Variants in MICAL2 observed in about 807,000 individuals in gnomAD.
The protein encoded by MICAL2 is microtubule associated monooxygenase, calponin and LIM domain containing 2, also known as [F-actin]-monooxygenase MICAL2.
In MICAL2, 77 loss-of-function variants were observed where a neutral mutation model predicts 127.3. That is an observed-to-expected ratio of 0.60 (90% CI 0.50 to 0.73). The LOEUF is 0.73. Ranked by LOEUF, MICAL2 falls within the 30% of genes least tolerant of loss-of-function variation. MICAL2 has a pLI of 0.00. For synonymous variants in MICAL2, 570 were observed against 551.1 expected, an observed-to-expected ratio of 1.03 and a Z score of -0.48; for missense variants, 1,351 against 1,434.4, an observed-to-expected ratio of 0.94 and a Z score of 0.94.
At chr11:12,180,531 C>G (rs1407752149) in intron 3 of MICAL2, among the ~76,000 whole-genome samples, 2 of 152,050 alleles carry the variant, frequency 1.3e-5, no homozygotes, top group African/African-American at 4.8e-5. Context: ...AATGACTTAT[C>G]CCTTGTTAGG....
downstream of MICAL2, among the ~76,000 whole-genome samples, chr11:12,361,876 C>T (rs1939210627): frequency 6.6e-6 from 1 of 152,126 alleles, no homozygotes; most frequent in South Asian, 2.1e-4. Context: ...CAGCCGGGGC[C>T]GCCACATGAA....
intron 4 of MICAL2, among the ~76,000 whole-genome samples, chr11:12,205,973 T>C (rs899414109): frequency 2.6e-5 from 4 of 152,096 alleles, no homozygotes; most frequent in African/African-American, 9.7e-5. Flanking sequence ...CTGGAGAGAA[T>C]TATCAGTCAC....
At chr11:12,150,270 G>T (rs113342330) in intron 2 of MICAL2, among the ~76,000 whole-genome samples, 6 of 152,146 alleles carry the variant, frequency 3.9e-5, no homozygotes, top group Non-Finnish European at 8.8e-5. Flanking sequence ...ATAAACTTTT[G>T]TTGAGCACTG....
intron 32 of MICAL2, among the ~76,000 whole-genome samples, chr11:12,342,237 C>T (rs748694093): frequency 6.6e-6 from 1 of 152,216 alleles, no homozygotes; most frequent in Admixed American, 6.5e-5. Context: ...CCTAGCTAGT[C>T]ATAAGAGTCC....
chr11:12,138,200 C>T (rs1459196219), intron 1 of MICAL2, among the ~76,000 whole-genome samples, 190 bp from the exon 2 acceptor site: 1 of 149,996 alleles, frequency 6.7e-6, no homozygotes, highest in Non-Finnish European at 1.5e-5. Context: ...AGCCATCTTG[C>T]TATTCCTTTC....
rs1417867159 is a variant in MICAL2, at chr11:12,262,523, C to A, written c.*3C>A. On this transcript the variant is annotated 3_prime_UTR_variant, in exon 27 of 28. Transcript: ENST00000683283. ...TGCTACACCCACTTCTTGGCTGACA[C>A]ACTTCTGCTCTAAGGTGACTGGTTT... The A allele has an allele frequency of 1.2e-6, 2 of 1,612,938 alleles. No homozygotes were observed. The highest frequency in any genetic ancestry group is 1.7e-6 in the Non-Finnish European group (2 of 1,178,994).
chr11:12,315,098 G>A (rs1285832707), intron 29 of MICAL2, among the ~76,000 whole-genome samples: 1 of 152,064 alleles, frequency 6.6e-6, no homozygotes, highest in Non-Finnish European at 1.5e-5. Context: ...GTTTTTAAAG[G>A]ATATTTCTTT....
intron 2 of MICAL2, among the ~76,000 whole-genome samples, chr11:12,285,590 T>C (rs1863817754): frequency 1.3e-5 from 2 of 152,232 alleles, no homozygotes; most frequent in Admixed American, 1.3e-4. Context: ...TCTCTGTCAC[T>C]GTCATAATTT....
At chr11:12,276,063 C>T (rs998046794), upstream of MICAL2, 16 of 399,072 alleles carry the variant, frequency 4.0e-5, no homozygotes, top group Non-Finnish European at 6.2e-5. Flanking sequence ...CGCTGCCTCT[C>T]CCCTGCCCTC....
intron 8 of MICAL2, among the ~76,000 whole-genome samples, chr11:12,219,055 G>C (rs1856510421): frequency 1.3e-5 from 2 of 152,204 alleles, no homozygotes; most frequent in South Asian, 2.1e-4. Flanking sequence ...ACAGATGAGA[G>C]AGTGGAGACT....
chr11:12,121,432 C>G (rs984097200), intron 1 of MICAL2: 3 of 152,740 alleles, frequency 2.0e-5, no homozygotes, highest in African/African-American at 7.2e-5. Context: ...AGAATTGGCT[C>G]TGTAGGAGTC....
chr11:12,281,029 C>T, exon 2 of MICAL2: 2 of 399,172 alleles, frequency 5.0e-6, no homozygotes. Flanking sequence ...ATCTACCGCA[C>T]ACGTCCCTAG....
chr11:12,243,940 G>A, intron 20 of MICAL2, 47 bp from the exon 21 acceptor site: 1 of 1,607,624 alleles, frequency 6.2e-7, no homozygotes, highest in Non-Finnish European at 8.5e-7. Flanking sequence ...ATCACCATGT[G>A]TGACTCCTGG....
intron 2 of MICAL2, among the ~76,000 whole-genome samples, chr11:12,151,313 G>A (rs1853555608): frequency 6.6e-6 from 1 of 152,156 alleles, no homozygotes; most frequent in Non-Finnish European, 1.5e-5. Context: ...CTAATAGAAG[G>A]TAAAATGTAA....
rs552353584 is a variant in MICAL2, at chr11:12,227,311, T to C, written c.1995+180T>C. On this transcript the variant is annotated intron_variant, in intron 15 of 27. Transcript: ENST00000683283. ...TGTTTTTGGAAGTTCTTCCTGGCAC[T>C]GTGTAGCTAGTTTCAATGACTTCAA... 460 of 563,730 alleles carry C rather than the reference T, an allele frequency of 8.2e-4. 7 individuals carry two copies. In the South Asian group the frequency reaches 9.2e-3, roughly 11 times the overall value. 34.9% of individuals were successfully genotyped at this position (563,730 alleles called of 1,614,324 possible).
intron 32 of MICAL2, among the ~76,000 whole-genome samples, chr11:12,336,065 T>G (rs546927762): frequency 6.6e-6 from 1 of 152,250 alleles, no homozygotes; most frequent in South Asian, 2.1e-4. Context: ...TCTCATGATA[T>G]TGATTCTTCC....
intron 34 of MICAL2, among the ~76,000 whole-genome samples, chr11:12,357,454 T>C (rs1392294467): frequency 2.6e-5 from 4 of 152,312 alleles, no homozygotes; most frequent in Middle Eastern, 3.4e-3. Context: ...GCAAAGTCAG[T>C]GTGGAAACAC....
At chr11:12,147,327 A>G (rs1012912089) in intron 2 of MICAL2, among the ~76,000 whole-genome samples, 1 of 152,228 alleles carries the variant, frequency 6.6e-6, no homozygotes, top group African/African-American at 2.4e-5. Flanking sequence ...GTAAGCATTC[A>G]TTCATTCAAC....
At chr11:12,231,735 G>C (rs1360053488) in intron 15 of MICAL2, among the ~76,000 whole-genome samples, 2 of 152,160 alleles carry the variant, frequency 1.3e-5, no homozygotes, top group African/African-American at 4.8e-5. Flanking sequence ...AGGTTTCCAG[G>C]ACTTCTCATG....
Sources: gnomAD v4.1 joint callset for allele counts (sites outside exome capture counted in the v4.1 genomes callset) on GRCh38, gnomAD v4.1.1 for gene constraint, MANE v1.5 for transcripts, NCBI Gene and HGNC (gene_info 2026-07-23, HGNC 2026-07-21) for gene names.